RAB3B: variants seen among roughly 807,000 people sequenced by gnomAD.
The protein encoded by RAB3B is RAB3B, member RAS oncogene family, also known as ras-related protein Rab-3B.
RAB3B carries 11 observed loss-of-function variants against 20.5 expected under a neutral mutation model. The observed-to-expected ratio is 0.54, with a 90% CI of 0.34 to 0.89. The LOEUF (loss-of-function observed/expected upper bound fraction) is 0.89. Ranked by LOEUF, RAB3B falls within the 40% of genes least tolerant of loss-of-function variation. The probability of loss-of-function intolerance (pLI) is 0.02; values close to 1 mark genes in which losing one functional copy is unlikely to be tolerated. For synonymous variants in RAB3B, 99 were observed against 106.3 expected (o/e 0.93, Z 0.42); for missense variants, 225 against 280.9 (o/e 0.80, Z 1.42).
rs554695768 is a variant in RAB3B, at chr1:51,986,177, G to T, written c.-1+4375C>A. Among the ~76,000 whole-genome samples, 25 of 136,974 alleles carry T rather than the reference G, an allele frequency of 1.8e-4. No individual in the cohort carries two copies. In the Admixed American group the frequency reaches 1.8e-3, roughly 10 times the overall value. 89.9% of individuals were successfully genotyped at this position (136,974 alleles called of 152,430 possible). On this transcript the variant is annotated intron_variant, in intron 1 of 4. Transcript: ENST00000371655. ...TTTTTTTTTTTTTTTTTGAGGCAGA[G>T]TCTCACTCTGTCGCCCAGGCTGGAG...
rs1004476083 is a variant in RAB3B at position 51,917,439 on chromosome 1, T to C, written c.*2488A>G. ...GAAAGTAACTGGCCCAGAGTCACAG[T>C]TGATTTAATGACAGAGTCCGGGTCT... On this transcript the variant is annotated 3_prime_UTR_variant, in exon 5 of 5. Coordinates refer to ENST00000371655, the MANE Select transcript of RAB3B (RefSeq NM_002867.4). 6.6e-6 allele frequency: 1 copy of C among 152,118 alleles called. No individual in the cohort carries two copies. The allele number at this position is 152,118 out of a possible 1,614,324, so 9.4% of individuals were successfully genotyped here.
intron 2 of RAB3B, among the ~76,000 whole-genome samples, chr1:51,957,588 A>G (rs1198858139): frequency 1.3e-5 from 2 of 152,138 alleles, no homozygotes; most frequent in African/African-American, 2.4e-5. Flanking sequence ...TTTTCTTGGT[A>G]TTGTTGGGAG....
chr1:51,980,287 C>T (rs1322974896), intron 1 of RAB3B, among the ~76,000 whole-genome samples: 13 of 151,902 alleles, frequency 8.6e-5, no homozygotes, highest in Non-Finnish European at 1.5e-5. Flanking sequence ...AATTAGCCAG[C>T]CGTGGTGGCA....
At chr1:51,961,427 C>T (rs1267111814) in intron 2 of RAB3B, among the ~76,000 whole-genome samples, 2 of 152,120 alleles carry the variant, frequency 1.3e-5, no homozygotes, top group African/African-American at 4.8e-5. Flanking sequence ...TGGGGTACCA[C>T]AGGGCAGTGG....
chr1:51,952,673 A>T (rs1684656226), intron 2 of RAB3B, among the ~76,000 whole-genome samples: 1 of 152,224 alleles, frequency 6.6e-6, no homozygotes, highest in Admixed American at 6.5e-5. Context: ...GAATAAATGA[A>T]TAAAGGAATG....
At chr1:51,960,544 G>A (rs911091395) in intron 2 of RAB3B, among the ~76,000 whole-genome samples, 1 of 152,100 alleles carries the variant, frequency 6.6e-6, no homozygotes, top group African/African-American at 2.4e-5. Context: ...GCAACGGTGT[G>A]GGGGAAGGAG....
At chr1:51,982,033 G>A (rs1222334367) in intron 1 of RAB3B, among the ~76,000 whole-genome samples, 2 of 151,964 alleles carry the variant, frequency 1.3e-5, no homozygotes, top group Admixed American at 1.3e-4. Flanking sequence ...GCCTCAGGCA[G>A]GTCCTTCAGG....
Position 51,908,699 on chromosome 1 carries a change from A to C in RAB3B, c.*11228T>G, listed in dbSNP as rs1683955400. The C allele has an allele frequency of 6.6e-6, 1 of 151,806 alleles. No individual in the cohort carries two copies. The highest frequency in any genetic ancestry group is 1.5e-5 in the Non-Finnish European group (1 of 68,040). The allele number at this position is 151,806 out of a possible 1,614,324, so 9.4% of individuals were successfully genotyped here. ...CCTCTTGTTCCCCTCTATCACCCCC[A>C]GATAGGTGAAGTTCAGAATTAGGAC... On this transcript the variant is annotated 3_prime_UTR_variant, in exon 5 of 5. Transcript: ENST00000371655.
intron 4 of RAB3B, among the ~76,000 whole-genome samples, chr1:51,930,504 CTG>C (rs1395322280): frequency 6.6e-6 from 1 of 152,174 alleles, no homozygotes; most frequent in Non-Finnish European, 1.5e-5. Context: ...CTCTTACTAG[CTG>C]TGTGACTTTG....
At chr1:51,923,944 T>A (rs1250379352) in intron 4 of RAB3B, among the ~76,000 whole-genome samples, 1 of 152,228 alleles carries the variant, frequency 6.6e-6, no homozygotes, top group Non-Finnish European at 1.5e-5. Flanking sequence ...ACATATGGTA[T>A]CTTCATTCTC....
intron 2 of RAB3B, among the ~76,000 whole-genome samples, chr1:51,944,100 T>C (rs1247014176): frequency 1.3e-5 from 2 of 152,232 alleles, no homozygotes; most frequent in Non-Finnish European, 2.9e-5. Context: ...TAGGGGTTAA[T>C]GCAGCTGGTG....
chr1:51,967,702 T>A (rs1684876260), intron 2 of RAB3B, among the ~76,000 whole-genome samples: 1 of 151,350 alleles, frequency 6.6e-6, no homozygotes, highest in Non-Finnish European at 1.5e-5. Context: ...TTTTAAATTT[T>A]TTGTAGAGAC....
intron 2 of RAB3B, among the ~76,000 whole-genome samples, chr1:51,951,131 CTT>C (rs35854435): frequency 0.011 from 1,574 of 144,750 alleles, 27 homozygotes; most frequent in South Asian, 0.097. Context: ...GTGATGCAGA[CTT>C]TTTTTTTTTT....
chr1:51,982,645 C>A (rs1685102202), intron 1 of RAB3B, among the ~76,000 whole-genome samples: 1 of 151,844 alleles, frequency 6.6e-6, no homozygotes, highest in Non-Finnish European at 1.5e-5. Flanking sequence ...CCCAGCTACT[C>A]AGGAGGCTGA....
chr1:51,971,927 T>A (rs1356490087), intron 2 of RAB3B, among the ~76,000 whole-genome samples: 1 of 152,154 alleles, frequency 6.6e-6, no homozygotes, highest in East Asian at 1.9e-4. Flanking sequence ...ACGCCTGTAA[T>A]CCCAGAGCTT....
At chr1:51,942,733 T>C (rs1404284212) in intron 2 of RAB3B, among the ~76,000 whole-genome samples, 1 of 152,196 alleles carries the variant, frequency 6.6e-6, no homozygotes. Flanking sequence ...TTTGCAGATA[T>C]TGCATTTTTT....
At position 51,910,145 on chromosome 1, in the gene RAB3B, T is replaced by C. The variant is rs2809952; in HGVS notation, c.*9782A>G. 1.3e-5 allele frequency: 2 copies of C among 152,152 alleles called. No homozygotes were observed. Among genetic ancestry groups the C allele is most frequent in the African/African-American group, 2.4e-5 (1 of 41,434 alleles). The allele number at this position is 152,152 out of a possible 1,614,324, so 9.4% of individuals were successfully genotyped here. On this transcript the variant is annotated 3_prime_UTR_variant, in exon 5 of 5. Coordinates refer to ENST00000371655, the MANE Select transcript of RAB3B (RefSeq NM_002867.4). ...CAGGTCTGTCAGACTGTAAGCCCTG[T>C]AGGCTTAACTATTCTGCCTTATGAC...
chr1:51,959,663 G>T (rs1684760267), intron 2 of RAB3B, among the ~76,000 whole-genome samples: 1 of 152,186 alleles, frequency 6.6e-6, no homozygotes, highest in African/African-American at 2.4e-5. Context: ...GATCAGTTGT[G>T]TTCTAGATGG....
intron 3 of RAB3B, among the ~76,000 whole-genome samples, chr1:51,936,968 C>T (rs1273172095): frequency 6.6e-6 from 1 of 152,118 alleles, no homozygotes; most frequent in East Asian, 1.9e-4. Context: ...CACGTGCCAC[C>T]ACGCCTGGCT....
Sources: gnomAD v4.1 joint callset for allele counts (sites outside exome capture counted in the v4.1 genomes callset) on GRCh38, gnomAD v4.1.1 for gene constraint, MANE v1.5 for transcripts, NCBI Gene and HGNC (gene_info 2026-07-23, HGNC 2026-07-21) for gene names.